The following UGT2A1 variants were observed in gnomAD, a reference collection of about 807,000 sequenced individuals.
UGT2A1 encodes the protein UDP glucuronosyltransferase family 2 member A1 complex locus, also known as UDP-glucuronosyltransferase 2A1.
UGT2A1 carries 61 observed loss-of-function variants against 45.4 expected under a neutral mutation model. The observed-to-expected ratio is 1.34, with a 90% CI of 1.09 to 1.66. UGT2A1 has a LOEUF of 1.66. UGT2A1 is among the 40% of genes most tolerant of loss of function. The pLI, the probability that UGT2A1 is intolerant of heterozygous loss-of-function variation, is 0.00. For missense variants in UGT2A1, 649 were observed against 574.3 expected, an observed-to-expected ratio of 1.13 and a Z score of -1.33; for synonymous variants, 229 against 196.2, an observed-to-expected ratio of 1.17 and a Z score of -1.40.
intron 6 of UGT2A1, 72 bp downstream of exon 6, chr4:69,594,405 G>C: frequency 2.6e-6 from 4 of 1,547,848 alleles, no homozygotes; most frequent in Non-Finnish European, 2.6e-6. Context: ...AAGTATAAAA[G>C]AATGTACATT....
chr4:69,648,504 C>T (rs1015391117), intron 1 of UGT2A1, among the ~76,000 whole-genome samples: 1 of 151,810 alleles, frequency 6.6e-6, no homozygotes, highest in Non-Finnish European at 1.5e-5. Flanking sequence ...CAACTGCTAG[C>T]GTTTATTAAG....
At chr4:69,623,131 T>C (rs10903210) in intron 3 of UGT2A1, among the ~76,000 whole-genome samples, 53,321 of 151,656 alleles carry the variant, frequency 0.35, 9,734 homozygotes, top group African/African-American at 0.43. Context: ...TCCACACTTC[T>C]CAATTGTTGA....
At chr4:69,610,223 G>C (rs895365957) in intron 3 of UGT2A1, among the ~76,000 whole-genome samples, 1 of 148,658 alleles carries the variant, frequency 6.7e-6, no homozygotes, top group African/African-American at 2.5e-5. Context: ...AGTCAATCTT[G>C]CATTGTTCTA....
chr4:69,610,406 T>C (rs1719964125), intron 3 of UGT2A1, among the ~76,000 whole-genome samples: 1 of 152,172 alleles, frequency 6.6e-6, no homozygotes, highest in South Asian at 2.1e-4. Context: ...TTGTAACTGT[T>C]AGGGCATTTT....
chr4:69,629,228 T>C (rs1279208829), intron 3 of UGT2A1, among the ~76,000 whole-genome samples: 1 of 152,062 alleles, frequency 6.6e-6, no homozygotes. Flanking sequence ...AGCCAGGTAA[T>C]ACAGTCAATA....
Position 69,625,552 on chromosome 4 carries a change from T to A in UGT2A1, c.847+10139A>T, listed in dbSNP as rs542197267. On this transcript the variant is annotated intron_variant, in intron 3 of 6. Transcript: ENST00000286604. ...TGTCCAATCTATTAATACTATCCAATGTATTTTTAATTTTAGATATTGTGT... is the reference window on the plus strand; with the variant it reads ...TGTCCAATCTATTAATACTATCCAAAGTATTTTTAATTTTAGATATTGTGT... Among the ~76,000 whole-genome samples, 110 of 151,468 alleles carry A rather than the reference T, an allele frequency of 7.3e-4. 1 individual carries two copies. Among genetic ancestry groups the A allele is most frequent in the African/African-American group, 2.4e-3 (99 of 41,488 alleles).
At chr4:69,614,255 A>G (rs551212444) in intron 3 of UGT2A1, among the ~76,000 whole-genome samples, 40 of 152,164 alleles carry the variant, frequency 2.6e-4, no homozygotes, top group Admixed American at 2.0e-3. Context: ...CTAAGAATAA[A>G]CTGAATCAAA....
At chr4:69,608,209 GC>G in intron 3 of UGT2A1, among the ~76,000 whole-genome samples, 1 of 152,162 alleles carries the variant, frequency 6.6e-6, no homozygotes, top group Non-Finnish European at 1.5e-5. Flanking sequence ...AGAAAATGTG[GC>G]ACGTATACAC....
intron 2 of UGT2A1, among the ~76,000 whole-genome samples, chr4:69,642,818 C>T (rs898055005): frequency 6.6e-6 from 1 of 151,332 alleles, no homozygotes; most frequent in South Asian, 2.1e-4. Context: ...CACAAAAAAA[C>T]CTTGTTTTTA....
chr4:69,646,817 T>A, intron 2 of UGT2A1, 113 bp downstream of exon 2: 2 of 704,670 alleles, frequency 2.8e-6, no homozygotes, highest in Middle Eastern at 4.1e-4. Context: ...TAGTAATATA[T>A]AGTACATCAA....
chr4:69,641,925 C>T (rs1349167480), intron 2 of UGT2A1, among the ~76,000 whole-genome samples: 1 of 151,506 alleles, frequency 6.6e-6, no homozygotes, highest in African/African-American at 2.4e-5. Context: ...CAAATTAATC[C>T]GATCTCATTA....
intron 3 of UGT2A1, among the ~76,000 whole-genome samples, chr4:69,604,024 C>CT (rs1442720445): frequency 7.3e-6 from 1 of 136,646 alleles, no homozygotes; most frequent in Non-Finnish European, 1.6e-5. Flanking sequence ...CCTCCCCAGT[C>CT]TAGCAAGGAA....
At chr4:69,630,766 G>A (rs183321634) in intron 3 of UGT2A1, among the ~76,000 whole-genome samples, 2 of 152,136 alleles carry the variant, frequency 1.3e-5, no homozygotes, top group African/African-American at 4.8e-5. Context: ...AGACCCTAAA[G>A]GTGAAACCGT....
chr4:69,640,465 T>C (rs1394419801), intron 2 of UGT2A1, among the ~76,000 whole-genome samples: 1 of 151,970 alleles, frequency 6.6e-6, no homozygotes, highest in Non-Finnish European at 1.5e-5. Context: ...AATGACTGGC[T>C]AGACTTGGAT....
At chr4:69,617,988 A>G (rs1354734780) in intron 3 of UGT2A1, among the ~76,000 whole-genome samples, 1 of 151,978 alleles carries the variant, frequency 6.6e-6, no homozygotes, top group Admixed American at 6.6e-5. Context: ...GAAATCATTC[A>G]CATTTGGGAT....
chr4:69,594,606 G>T lies in UGT2A1; in HGVS notation c.1175C>A (p.Pro392His). The T allele has an allele frequency of 6.2e-7, 1 of 1,614,080 alleles. No homozygotes were observed. The highest frequency in any genetic ancestry group is 8.5e-7 in the Non-Finnish European group (1 of 1,180,010). Residue 392 changes from proline (P) to histidine (H), a missense_variant, in exon 6 of 7, where the codon CCC becomes CAC. By Grantham distance (77) the Pro-to-His change is moderately conservative. Transcript: ENST00000286604. ...GTTATCAGGCTGATCAGCAAACATG[G>T]GAACTCCCACCATAGGGACTCCGTG... ...IYHGVPMVGV[P>H]MFADQPDNIA...
In UGT2A1 at chr4:69,595,200, G is replaced by A. The variant is rs765655029; in HGVS notation, c.1046C>T (p.Thr349Ile). 19 of 1,613,814 alleles carry A rather than the reference G, an allele frequency of 1.2e-5. No individual in the cohort carries two copies. The highest frequency in any genetic ancestry group is 1.6e-5 in the Non-Finnish European group (19 of 1,179,854). The change falls in exon 5 of 7, where the codon ACT (threonine) becomes ATT (isoleucine). Residue 349 changes from threonine to isoleucine, a missense_variant. Physicochemically the swap from Thr to Ile is moderately conservative, Grantham distance 89. Transcript: ENST00000286604. ...CTGGGGTATCCAATCAAAGAGCTGA[G>A]TATTGTTTCCTAATGTGGCTGGTTT... ...GKKPATLGNN[T>I]QLFDWIPQND...
chr4:69,619,781 A>T (rs1330439943), intron 3 of UGT2A1, among the ~76,000 whole-genome samples: 2 of 152,070 alleles, frequency 1.3e-5, no homozygotes, highest in Non-Finnish European at 2.9e-5. Context: ...CAAATGCAGC[A>T]GCATATCTAA....
intron 2 of UGT2A1, chr4:69,638,937 T>C (rs1438871375): frequency 6.2e-7 from 1 of 1,611,214 alleles, no homozygotes; most frequent in East Asian, 2.2e-5. Flanking sequence ...TTCTCCCCAG[T>C]AGGACTGAAA....
Sources: gnomAD v4.1 joint callset for allele counts (sites outside exome capture counted in the v4.1 genomes callset) on GRCh38, gnomAD v4.1.1 for gene constraint, MANE v1.5 for transcripts, NCBI Gene and HGNC (gene_info 2026-07-23, HGNC 2026-07-21) for gene names.